The following ERAP1 variants were observed in gnomAD, a reference collection of about 807,000 sequenced individuals.
ERAP1 encodes the protein endoplasmic reticulum aminopeptidase 1, also known as adipocyte-derived leucine aminopeptidase.
Under a neutral mutation model 103.7 loss-of-function variants are expected in ERAP1, and 86 were observed. The observed-to-expected ratio is 0.83, with a 90% CI of 0.70 to 0.99. ERAP1 has a LOEUF of 0.99. Ranked by LOEUF, ERAP1 falls within the 50% of genes least tolerant of loss-of-function variation. The probability of loss-of-function intolerance (pLI) is 0.00; values close to 1 mark genes in which losing one functional copy is unlikely to be tolerated. For synonymous variants in ERAP1, 398 were observed against 402.4 expected (o/e 0.99, Z 0.13); for missense variants, 1,009 against 1,128.4 (o/e 0.89, Z 1.52).
chr5:96,860,373 G>A, the ERAP1 span, among the ~76,000 whole-genome samples: 2 of 152,090 alleles, frequency 1.3e-5, no homozygotes, highest in African/African-American at 2.4e-5. Context: ...AATTTATAAT[G>A]AGAATGTGTT....
the ERAP1 span, chr5:96,813,934 G>T: frequency 5.6e-6 from 1 of 179,118 alleles, no homozygotes. Context: ...TCTTGTCTAA[G>T]AAAATGGCCC....
At chr5:96,773,827 T>G (rs1484601850), downstream of ERAP1, 1 of 152,270 alleles carries the variant, frequency 6.6e-6, no homozygotes, top group Non-Finnish European at 1.5e-5. Flanking sequence ...GATTGGGAAT[T>G]TATTGTTTCC....
chr5:96,774,376 C>T (rs768408557), downstream of ERAP1: 5 of 335,266 alleles, frequency 1.5e-5, no homozygotes, highest in African/African-American at 2.2e-5. Flanking sequence ...GAAATATCTT[C>T]GAGACTTGGG....
chr5:96,868,023 C>T, the ERAP1 span, among the ~76,000 whole-genome samples: 5,080 of 151,516 alleles, frequency 0.034, 125 homozygotes, highest in Middle Eastern at 0.11. Flanking sequence ...TGCAGTGAGC[C>T]GAGATCACAC....
the ERAP1 span, among the ~76,000 whole-genome samples, chr5:96,931,313 C>T: frequency 2.6e-5 from 4 of 152,018 alleles, no homozygotes; most frequent in Non-Finnish European, 5.9e-5. Flanking sequence ...CAGACCACCA[C>T]GCTTAGCTAA....
At chr5:96,921,547 G>A in the ERAP1 span, among the ~76,000 whole-genome samples, 1 of 152,148 alleles carries the variant, frequency 6.6e-6, no homozygotes, top group Admixed American at 6.5e-5. Flanking sequence ...AACAAACAAG[G>A]TAGAAAAACA....
At chr5:96,896,965 T>TAAGTCATATGTTGGGTAATGATAGACTG in the ERAP1 span, 3 of 988,074 alleles carry the variant, frequency 3.0e-6, no homozygotes, top group Admixed American at 3.2e-5. Context: ...GTCAACCATA[T>TAAGTCATATGTTGGGTAATGATAGACTG]TTATTCTGCT....
In ERAP1 at chr5:96,783,878, T is replaced by C. The variant is rs202076782; in HGVS notation, c.2100+46A>G. ...ACATACACACACAATGATTAACACT[T>C]TTTAACACAAATAATAATTACATAA... On this transcript the variant is annotated intron_variant, in intron 14 of 18. Transcript: ENST00000443439. 1.3e-3 allele frequency: 1,799 copies of C among 1,436,296 alleles called. 14 individuals are homozygous for C. The highest frequency in any genetic ancestry group is 1.5e-3 in the Non-Finnish European group (1,536 of 1,043,188). The allele number at this position is 1,436,296 out of a possible 1,614,324, so 89.0% of individuals were successfully genotyped here.
the ERAP1 span, among the ~76,000 whole-genome samples, chr5:96,820,280 G>A: frequency 6.6e-6 from 1 of 151,728 alleles, no homozygotes; most frequent in African/African-American, 2.4e-5. Flanking sequence ...AAACAACATA[G>A]CTTAAAAAAA....
intron 2 of ERAP1, 74 bp downstream of exon 2, chr5:96,803,329 G>A: frequency 6.8e-7 from 1 of 1,464,786 alleles, no homozygotes; most frequent in Non-Finnish European, 9.4e-7. Context: ...AATTTTAAAA[G>A]ACAATCAATC....
At chr5:96,824,955 G>A in the ERAP1 span, among the ~76,000 whole-genome samples, 19 of 152,270 alleles carry the variant, frequency 1.2e-4, no homozygotes, top group African/African-American at 4.3e-4. Context: ...TGGGACGATC[G>A]ATTGAGCCTG....
chr5:96,879,666 T>C, the ERAP1 span: 2 of 1,603,626 alleles, frequency 1.2e-6, no homozygotes, highest in African/African-American at 1.3e-5. Context: ...TATTAACTTG[T>C]CTTCTAGAGA....
intron 16 of ERAP1, 146 bp from the exon 17 acceptor site, chr5:96,781,344 A>G: frequency 1.3e-6 from 1 of 786,912 alleles, no homozygotes; most frequent in Non-Finnish European, 2.0e-6. Context: ...ATCCTGATAA[A>G]CCCACTATAG....
chr5:96,818,608 T>A, the ERAP1 span, among the ~76,000 whole-genome samples: 2 of 152,170 alleles, frequency 1.3e-5, no homozygotes, highest in Non-Finnish European at 2.9e-5. Context: ...AATTAAGGCC[T>A]GGGACTACCT....
At chr5:96,931,724 C>T in the ERAP1 span, among the ~76,000 whole-genome samples, 1 of 152,200 alleles carries the variant, frequency 6.6e-6, no homozygotes, top group Non-Finnish European at 1.5e-5. Context: ...TTCCCCTGCT[C>T]TCAAGAAAGA....
At position 96,803,492 on chromosome 5, in the gene ERAP1, G is replaced by A; in HGVS notation, c.435C>T (p.Tyr145=). ...APEPLLVGLP[Y]TVVIHYAGNL... is the part of the protein sequence containing the mutation. ...TGCCAGCATAGTGAATGACAACTGT[G>A]TACGGGAGCCCGACAAGGAGGGGCT... Residue 145 remains tyrosine (Y), a synonymous_variant, in exon 2 of 19, where the codon TAC becomes TAT. Transcript: ENST00000443439. 1 of 1,613,660 alleles carries A rather than the reference G, an allele frequency of 6.2e-7. No individual in the cohort carries two copies. The highest frequency in any genetic ancestry group is 2.2e-5 in the East Asian group (1 of 44,886).
At chr5:96,929,551 G>A in the ERAP1 span, among the ~76,000 whole-genome samples, 1 of 151,426 alleles carries the variant, frequency 6.6e-6, no homozygotes. Context: ...GTGCACCCCG[G>A]CGGGAGTGTA....
chr5:96,836,422 G>A, the ERAP1 span, among the ~76,000 whole-genome samples: 2 of 152,074 alleles, frequency 1.3e-5, no homozygotes, highest in Non-Finnish European at 1.5e-5. Flanking sequence ...GGCTGGTCTC[G>A]AACTCCTGAC....
the ERAP1 span, among the ~76,000 whole-genome samples, chr5:96,819,895 T>G: frequency 2.0e-5 from 3 of 152,218 alleles, no homozygotes; most frequent in Non-Finnish European, 4.4e-5. Flanking sequence ...ATATTTACAA[T>G]TTTGACTATT....
Sources: allele counts gnomAD v4.1 joint callset (sites outside exome capture counted in the v4.1 genomes callset), GRCh38; gene constraint gnomAD v4.1.1; transcripts MANE v1.5; gene names NCBI Gene and HGNC (gene_info 2026-07-23, HGNC 2026-07-21).